Variants in UMAD1 observed in about 807,000 individuals in gnomAD.
The protein encoded by UMAD1 is UBAP1-MVB12-associated (UMA)-domain containing protein 1.
UMAD1 carries 8 observed loss-of-function variants against 6.1 expected under a neutral mutation model. The ratio of observed to expected loss-of-function variants is 1.30; its 90% CI spans 0.76 to 2.35. UMAD1 has a LOEUF of 2.35. Among genes scored for constraint, UMAD1 ranks in the 30% most tolerant of loss-of-function variants. The pLI, the probability that UMAD1 is intolerant of heterozygous loss-of-function variation, is 0.00. For synonymous variants in UMAD1, 56 were observed against 31.4 expected, an observed-to-expected ratio of 1.78 and a Z score of -2.61; for missense variants, 130 against 78.4, an observed-to-expected ratio of 1.66 and a Z score of -2.49.
At chr7:7,698,870 C>CTTT (rs57968079) in intron 2 of UMAD1, among the ~76,000 whole-genome samples, 5 of 131,956 alleles carry the variant, frequency 3.8e-5, no homozygotes, top group Admixed American at 7.6e-5. Flanking sequence ...ACCCTCTTGT[C>CTTT]TTTTTTTTTT....
chr7:7,876,143 A>G lies in UMAD1; in HGVS notation c.157-1138A>G, dbSNP rs114629754. Among the ~76,000 whole-genome samples the G allele has an allele frequency of 3.5e-3, 532 of 152,324 alleles. 4 individuals are homozygous for G. Among genetic ancestry groups the G allele is most frequent in the African/African-American group, 0.012 (500 of 41,572 alleles). On this transcript the variant is annotated intron_variant, in intron 3 of 3. Coordinates refer to ENST00000682710, the MANE Select transcript of UMAD1 (RefSeq NM_001302348.2). ...GATGGCATCTGGGCTAGCGCTTGGA[A>G]GGAGATAAGGGAAGTAGCCCTGTGT...
At chr7:7,840,237 C>T (rs1181688285) in intron 3 of UMAD1, among the ~76,000 whole-genome samples, 1 of 151,962 alleles carries the variant, frequency 6.6e-6, no homozygotes, top group African/African-American at 2.4e-5. Context: ...ATGGGAATAC[C>T]CAGCTCGGTT....
At chr7:7,661,691 A>C (rs1251890947) in intron 1 of UMAD1, among the ~76,000 whole-genome samples, 1 of 152,158 alleles carries the variant, frequency 6.6e-6, no homozygotes, top group African/African-American at 2.4e-5. Flanking sequence ...TTTGTCCCAG[A>C]GGGGCACCCA....
chr7:7,689,236 G>C (rs969056131), intron 2 of UMAD1: 3 of 152,196 alleles, frequency 2.0e-5, no homozygotes, highest in Non-Finnish European at 4.4e-5. Flanking sequence ...CTCATGGGCA[G>C]ATACAGACAG....
intron 1 of UMAD1, among the ~76,000 whole-genome samples, chr7:7,648,831 C>T (rs902576803): frequency 3.3e-5 from 5 of 149,646 alleles, no homozygotes; most frequent in African/African-American, 1.2e-4. Context: ...CCAGCCTGGG[C>T]GACAGAGTGA....
rs551552613 is a variant in UMAD1, at chr7:7,758,143, C to G, written c.83-43527C>G. 2.0e-5 allele frequency among the ~76,000 whole-genome samples: 3 copies of G among 152,188 alleles called. No individual in the cohort carries two copies. In the South Asian group the frequency reaches 6.2e-4, roughly 32 times the overall value. The stretch of plus-strand genomic sequence containing the variant: ...CAGGCTGGTCTTGAACTCCTGGGCT[C>G]AAGCAGTCGTTCTGCCAAGCCTCCC... On this transcript the variant is annotated intron_variant, in intron 2 of 3. Transcript: ENST00000682710.
rs530545659 is a variant in UMAD1, at chr7:7,813,796, C to A, written c.156+12053C>A. Among the ~76,000 whole-genome samples the A allele has an allele frequency of 8.5e-5, 13 of 152,286 alleles. No individual in the cohort carries two copies. In the East Asian group the frequency reaches 2.3e-3, roughly 27 times the overall value. ...ATCGGAGAGCTGTATATTTCTACCT[C>A]ATTGCCTTAGTCCTGCACAGATTGC... is the stretch of plus-strand genomic sequence containing the variant. On this transcript the variant is annotated intron_variant, in intron 3 of 3. Transcript: ENST00000682710.
chr7:7,833,541 C>G (rs974999674), intron 3 of UMAD1, among the ~76,000 whole-genome samples: 1 of 152,084 alleles, frequency 6.6e-6, no homozygotes, highest in African/African-American at 2.4e-5. Flanking sequence ...GTCAACATGA[C>G]TGGGAAGAAA....
chr7:7,669,950 A>T (rs1361043738), intron 1 of UMAD1, among the ~76,000 whole-genome samples: 1 of 152,164 alleles, frequency 6.6e-6, no homozygotes, highest in African/African-American at 2.4e-5. Flanking sequence ...TTGGGATATT[A>T]TAATGTTCTG....
chr7:7,666,899 A>C (rs1779476505), intron 1 of UMAD1, among the ~76,000 whole-genome samples: 1 of 152,068 alleles, frequency 6.6e-6, no homozygotes, highest in South Asian at 2.1e-4. Flanking sequence ...TCCGCCTCCC[A>C]AGTTCAAGTA....
At chr7:7,730,307 T>C (rs34992481) in intron 2 of UMAD1, among the ~76,000 whole-genome samples, 31,144 of 152,056 alleles carry the variant, frequency 0.2, 3,341 homozygotes, top group African/African-American at 0.29. Context: ...GTAATTGGCC[T>C]GAAGAACACC....
intron 2 of UMAD1, among the ~76,000 whole-genome samples, chr7:7,739,586 A>G (rs1781423017): frequency 6.6e-6 from 1 of 152,194 alleles, no homozygotes; most frequent in Non-Finnish European, 1.5e-5. Flanking sequence ...ATTTTTCTCA[A>G]GGAAACTGTT....
chr7:7,660,207 A>G (rs375475120), intron 1 of UMAD1, among the ~76,000 whole-genome samples: 79 of 152,238 alleles, frequency 5.2e-4, no homozygotes, highest in African/African-American at 1.8e-3. Flanking sequence ...TGCACATGAG[A>G]TGGGTCTCCT....
At chr7:7,775,001 C>G (rs1563195827) in intron 2 of UMAD1, among the ~76,000 whole-genome samples, 1 of 152,120 alleles carries the variant, frequency 6.6e-6, no homozygotes, top group Non-Finnish European at 1.5e-5. Context: ...TTCTCTTGTT[C>G]TTTTAATCTC....
chr7:7,662,201 G>A (rs1428943760), intron 1 of UMAD1, among the ~76,000 whole-genome samples: 1 of 152,130 alleles, frequency 6.6e-6, no homozygotes, highest in Non-Finnish European at 1.5e-5. Flanking sequence ...AGGTTGCTGT[G>A]CTGGCAGCGA....
chr7:7,779,608 C>T (rs975146558), intron 2 of UMAD1, among the ~76,000 whole-genome samples: 9 of 151,712 alleles, frequency 5.9e-5, no homozygotes, highest in African/African-American at 2.2e-4. Flanking sequence ...CCGTTTTTTT[C>T]CTCTTCATTT....
chr7:7,728,567 C>G (rs1484532312), intron 2 of UMAD1, among the ~76,000 whole-genome samples: 1 of 151,794 alleles, frequency 6.6e-6, no homozygotes, highest in Non-Finnish European at 1.5e-5. Context: ...TCACTTGAAC[C>G]CGGGAGGCGG....
intron 2 of UMAD1, among the ~76,000 whole-genome samples, chr7:7,717,610 A>T (rs1288699977): frequency 6.6e-6 from 1 of 152,236 alleles, no homozygotes; most frequent in Non-Finnish European, 1.5e-5. Flanking sequence ...TCTCAATCAC[A>T]TTGGCTAACA....
intron 2 of UMAD1, among the ~76,000 whole-genome samples, chr7:7,795,547 A>G (rs567908750): frequency 1.9e-4 from 29 of 152,332 alleles, no homozygotes; most frequent in African/African-American, 6.5e-4. Flanking sequence ...GAGTAAAAGA[A>G]TGGCTGCCCC....
Sources: gnomAD v4.1 joint callset for allele counts (sites outside exome capture counted in the v4.1 genomes callset) on GRCh38, gnomAD v4.1.1 for gene constraint, MANE v1.5 for transcripts, NCBI Gene and HGNC (gene_info 2026-07-23, HGNC 2026-07-21) for gene names.